TDRD9: variants seen among roughly 807,000 people sequenced by gnomAD.
TDRD9 encodes the protein ATP-dependent RNA helicase TDRD9.
Under a neutral mutation model 172.6 loss-of-function variants are expected in TDRD9, and 124 were observed. That is an observed-to-expected ratio of 0.72 (90% CI 0.62 to 0.83). The LOEUF (loss-of-function observed/expected upper bound fraction) is 0.83, where lower values mean the gene tolerates loss of function less well. Ranked by LOEUF, TDRD9 falls within the 40% of genes least tolerant of loss-of-function variation. TDRD9 has a pLI of 0.00. For missense variants in TDRD9, 1,479 were observed against 1,714.1 expected (o/e 0.86, Z 2.42); for synonymous variants, 619 against 617.1 (o/e 1.00, Z -0.05).
chr14:103,943,534 A>G (rs1317162360), intron 1 of TDRD9, among the ~76,000 whole-genome samples: 1 of 119,096 alleles, frequency 8.4e-6, no homozygotes, highest in Non-Finnish European at 1.8e-5. Context: ...TTTTTTTTGT[A>G]GAAATAAGGT....
Position 104,040,232 on chromosome 14 carries a change from T to G in TDRD9, c.3753T>G (p.Leu1251=). ...ATGGCAAGTACTATACTGGAGTCCT[T>G]TGTGGTTTGGGGTGGAATCCAGCTA... ...DQNGKYYTGV[L]CGLGWNPATG... The change falls in exon 33 of 36, where the codon CTT becomes CTG. Residue 1251 remains leucine, a synonymous_variant. Coordinates refer to ENST00000409874, the MANE Select transcript of TDRD9 (RefSeq NM_153046.3). 1 of 1,551,078 alleles carries G rather than the reference T, an allele frequency of 6.4e-7. No individual in the cohort carries two copies. The highest frequency in any genetic ancestry group is 8.7e-7 in the Non-Finnish European group (1 of 1,146,628).
chr14:103,998,047 C>G (rs539208137), intron 12 of TDRD9, among the ~76,000 whole-genome samples: 2 of 152,082 alleles, frequency 1.3e-5, no homozygotes, highest in Non-Finnish European at 2.9e-5. Flanking sequence ...AGTGCTTTGC[C>G]TGTGTGAGGG....
chr14:104,048,127 G>A (rs968265531), intron 34 of TDRD9, among the ~76,000 whole-genome samples: 4 of 152,134 alleles, frequency 2.6e-5, no homozygotes, highest in Non-Finnish European at 5.9e-5. Flanking sequence ...CTGTTTTTGG[G>A]TTTTGTGGTT....
At chr14:104,033,152 T>A (rs948352252) in intron 30 of TDRD9, among the ~76,000 whole-genome samples, 4 of 152,192 alleles carry the variant, frequency 2.6e-5, no homozygotes, top group African/African-American at 7.2e-5. Context: ...CTATGTGCAT[T>A]TTAAAATGAT....
intron 22 of TDRD9, 35 bp from the exon 23 acceptor site, chr14:104,018,057 A>T: frequency 8.0e-7 from 1 of 1,256,210 alleles, no homozygotes; most frequent in Non-Finnish European, 1.1e-6. Flanking sequence ...TGTTAGCTCT[A>T]GTAATCTGCT....
intron 21 of TDRD9, among the ~76,000 whole-genome samples, chr14:104,015,316 G>C (rs2034754800): frequency 6.6e-6 from 1 of 152,214 alleles, no homozygotes; most frequent in Non-Finnish European, 1.5e-5. Context: ...GTCCTGGCCA[G>C]TGGAGACTGC....
intron 20 of TDRD9, among the ~76,000 whole-genome samples, chr14:104,011,082 T>A (rs1335047683): frequency 6.6e-6 from 1 of 152,218 alleles, no homozygotes; most frequent in Admixed American, 6.5e-5. Flanking sequence ...AACAGGAATT[T>A]TCTAGCTCTG....
chr14:104,012,355 A>T (rs1357383113), intron 20 of TDRD9, among the ~76,000 whole-genome samples: 1 of 152,236 alleles, frequency 6.6e-6, no homozygotes, highest in Non-Finnish European at 1.5e-5. Flanking sequence ...CATGGTCTGG[A>T]CAGCCAGGCC....
Position 104,026,810 on chromosome 14 carries a change from C to G in TDRD9, c.3153C>G (p.Phe1051Leu). ...GCTGCACCCTCCTTGTGAAGGTCTTCTCTGTGGTGCACAGCGTCCTGCACG... is the reference window on the plus strand; with the variant it reads ...GCTGCACCCTCCTTGTGAAGGTCTTGTCTGTGGTGCACAGCGTCCTGCACG... ...VSGCTLLVKV[F>L]SVVHSVLHVD... Residue 1051 changes from phenylalanine to leucine, a missense_variant, in exon 28 of 36, where the codon TTC (phenylalanine) becomes TTG (leucine). This residue lies in a region of TDRD9 where 1,413 missense variants were observed against 1,649.1 expected (regional missense o/e 0.86). Coordinates refer to ENST00000409874, the MANE Select transcript of TDRD9 (RefSeq NM_153046.3). 2 of 1,614,048 alleles carry G rather than the reference C, an allele frequency of 1.2e-6. No individual in the cohort carries two copies. Among genetic ancestry groups the G allele is most frequent in the Non-Finnish European group, 1.7e-6 (2 of 1,179,906 alleles).
chr14:104,002,150 T>C (rs952360000), intron 13 of TDRD9, among the ~76,000 whole-genome samples: 1 of 151,016 alleles, frequency 6.6e-6, no homozygotes, highest in Non-Finnish European at 1.5e-5. Flanking sequence ...CAAAACCCTA[T>C]CTCTATAAAA....
At chr14:103,944,860 C>T (rs59330188) in intron 1 of TDRD9, among the ~76,000 whole-genome samples, 6 of 152,202 alleles carry the variant, frequency 3.9e-5, no homozygotes, top group African/African-American at 1.2e-4. Flanking sequence ...CCACCGTGCC[C>T]GGCTTCTTTT....
chr14:103,991,758 AAT>A (rs1491478543), intron 9 of TDRD9, among the ~76,000 whole-genome samples: 1 of 99,646 alleles, frequency 1.0e-5, no homozygotes, highest in Non-Finnish European at 2.4e-5. Context: ...TTAAGAGTTC[AAT>A]TTTTTTTTTT....
intron 8 of TDRD9, among the ~76,000 whole-genome samples, chr14:103,989,853 G>A (rs966811675): frequency 3.3e-5 from 5 of 152,226 alleles, no homozygotes; most frequent in African/African-American, 9.7e-5. Flanking sequence ...GCTGGGTCAC[G>A]TCCACAGGCA....
intron 7 of TDRD9, among the ~76,000 whole-genome samples, chr14:103,978,602 A>G (rs1214009785): frequency 2.0e-5 from 3 of 152,028 alleles, no homozygotes; most frequent in Admixed American, 6.6e-5. Context: ...GACTTTCCTC[A>G]TTTTTTAAGA....
At chr14:104,044,239 G>A (rs1207684540) in intron 34 of TDRD9, among the ~76,000 whole-genome samples, 2 of 152,038 alleles carry the variant, frequency 1.3e-5, no homozygotes, top group Non-Finnish European at 1.5e-5. Context: ...TTTCCTTGGC[G>A]ACTCCAAGAC....
At chr14:103,970,791 G>A (rs2032987406) in intron 6 of TDRD9, among the ~76,000 whole-genome samples, 170 bp downstream of exon 6, 1 of 152,162 alleles carries the variant, frequency 6.6e-6, no homozygotes, top group Non-Finnish European at 1.5e-5. Flanking sequence ...TAAAGTATTT[G>A]CATGTAGCCT....
chr14:103,931,670 A>G (rs2030398190), intron 1 of TDRD9, among the ~76,000 whole-genome samples: 1 of 152,216 alleles, frequency 6.6e-6, no homozygotes, highest in Admixed American at 6.5e-5. Flanking sequence ...TGACTCCCCC[A>G]AAGATGTTCA....
intron 28 of TDRD9, among the ~76,000 whole-genome samples, chr14:104,030,365 A>C: frequency 6.6e-6 from 1 of 152,068 alleles, no homozygotes; most frequent in East Asian, 1.9e-4. Context: ...GGTGGTGGGC[A>C]CCTGTAATCA....
At position 103,980,938 on chromosome 14, in the gene TDRD9, A is replaced by T. The variant is rs1220818747; in HGVS notation, c.1012-5279A>T. Among the ~76,000 whole-genome samples the T allele has an allele frequency of 6.6e-6, 1 of 152,134 alleles. No individual in the cohort carries two copies. Among genetic ancestry groups the T allele is most frequent in the East Asian group, 1.9e-4 (1 of 5,196 alleles). On this transcript the variant is annotated intron_variant, in intron 7 of 35. Transcript: ENST00000409874. This position sits in a 1 kb window ranked among gnomAD's most constrained non-coding sequence, Gnocchi z 4.5. ...ATGGCCTGGTTTTTCCTAGGTTATG[A>T]TTGTAGAGCGAGAATTATTATAATA...
Sources: allele counts gnomAD v4.1 joint callset (sites outside exome capture counted in the v4.1 genomes callset), GRCh38; gene constraint gnomAD v4.1.1; regional missense constraint gnomAD v4.1.1; non-coding constraint Gnocchi (gnomAD v3.1); transcripts MANE v1.5; gene names NCBI Gene and HGNC (gene_info 2026-07-23, HGNC 2026-07-21).